The following LRRC32 variants were observed in gnomAD, a reference collection of about 807,000 sequenced individuals.
The protein encoded by LRRC32 is leucine rich repeat containing 32.
A neutral mutation model predicts 15.0 loss-of-function variants in LRRC32; 5 were observed. The ratio of observed to expected loss-of-function variants is 0.33; its 90% CI spans 0.17 to 0.70. The LOEUF (loss-of-function observed/expected upper bound fraction) is 0.70. Ranked by LOEUF, LRRC32 falls within the 30% of genes least tolerant of loss-of-function variation. The probability of loss-of-function intolerance (pLI) is 0.66; values close to 1 mark genes in which losing one functional copy is unlikely to be tolerated. For missense variants in LRRC32, 803 were observed against 854.2 expected (o/e 0.94, Z 0.75); for synonymous variants, 391 against 403.9 (o/e 0.97, Z 0.38).
intron 1 of LRRC32, among the ~76,000 whole-genome samples, chr11:76,668,148 C>CACTAGGAGACACTAGGAG (rs1349833582): frequency 6.6e-6 from 1 of 152,116 alleles, no homozygotes; most frequent in Non-Finnish European, 1.5e-5. Context: ...CACTAGGAGT[C>CACTAGGAGACACTAGGAG]TCGGTGACAT....
chr11:76,661,355 G>C lies in LRRC32; in HGVS notation c.238C>G (p.Leu80Val). The change falls in exon 3 of 3, where the codon CTG becomes GTG. Residue 80 changes from leucine (L) to valine (V), a missense_variant. By Grantham distance (32) the Leu-to-Val change is conservative. Coordinates refer to ENST00000260061, the MANE Select transcript of LRRC32 (RefSeq NM_001128922.2). ...GFYTALRHLD[L>V]STNEISFLQP... is the part of the protein sequence containing the mutation. ...AGGAAGCTGATCTCATTGGTGCTCA[G>C]GTCCAGGTGACGAAGTGCTGTGTAG... The C allele has an allele frequency of 6.2e-7, 1 of 1,614,196 alleles. No individual in the cohort carries two copies. Among genetic ancestry groups the C allele is most frequent in the South Asian group, 1.1e-5 (1 of 91,086 alleles).
chr11:76,658,396 AAGG>A lies in LRRC32; in HGVS notation c.*1205_*1207del, dbSNP rs1952449800. 2 of 152,920 alleles carry A rather than the reference AAGG, an allele frequency of 1.3e-5. No individual in the cohort carries two copies. The highest frequency in any genetic ancestry group is 4.8e-5 in the African/African-American group (2 of 41,470). The allele number at this position is 152,920 out of a possible 1,614,324, so 9.5% of individuals were successfully genotyped here. On this transcript the variant is annotated 3_prime_UTR_variant, in exon 3 of 3. Coordinates refer to ENST00000260061, the MANE Select transcript of LRRC32 (RefSeq NM_001128922.2). ...GAAGGGAGGAGGGAAACAGGCAGAGAAGGAGGAGAGCGCCTGCAGCTGCCTGCC... is the reference window on the plus strand; with the variant it reads ...GAAGGGAGGAGGGAAACAGGCAGAGAAGGAGAGCGCCTGCAGCTGCCTGCC...
chr11:76,659,982 T>A lies in LRRC32; in HGVS notation c.1611A>T (p.Ser537=). The change falls in exon 3 of 3, where the codon TCA becomes TCT. Residue 537 remains serine, a synonymous_variant. Transcript: ENST00000260061. ...SHLPAWTQAV[S]LEVLDLRNNS... ...TGTTTCGCAGGTCCAGCACCTCCAG[T>A]GACACAGCCTGTGTCCAGGCGGGAA... The A allele has an allele frequency of 6.2e-7, 1 of 1,614,086 alleles. No individual in the cohort carries two copies. The highest frequency in any genetic ancestry group is 1.1e-5 in the South Asian group (1 of 91,082).
intron 1 of LRRC32, among the ~76,000 whole-genome samples, chr11:76,666,202 C>T (rs183975913): frequency 8.3e-4 from 127 of 152,310 alleles, no homozygotes; most frequent in Non-Finnish European, 1.3e-3. Flanking sequence ...GAGTTTTAAG[C>T]GGCAGGTGAC....
chr11:76,666,002 G>A (rs762261991), intron 1 of LRRC32, 44 bp from the exon 2 acceptor site: 2 of 1,571,998 alleles, frequency 1.3e-6, no homozygotes. Flanking sequence ...AAGCCCACTG[G>A]CTCCTTCCCA....
rs1310136874 is a variant in LRRC32 at position 76,660,656 on chromosome 11, G to A, written c.937C>T (p.Pro313Ser). 5 of 1,613,990 alleles carry A rather than the reference G, an allele frequency of 3.1e-6. No homozygotes were observed. The South Asian group carries it at 4.4e-5, about 14-fold the overall frequency. ...TCCAGATTCAAGAGCTGGGAAAGGG[G>A]GCGGCCGCTGGCATTCCCGCTGGGG... ...SAPSGNASGRPLSQLLNLDLS... is the reference protein window; with the variant it reads ...SAPSGNASGRSLSQLLNLDLS... The change falls in exon 3 of 3, where the codon CCC (proline) becomes TCC (serine). Residue 313 changes from proline (P) to serine (S), a missense_variant. By Grantham distance (74) the Pro-to-Ser change is moderately conservative (BLOSUM62 -1). Coordinates refer to ENST00000260061, the MANE Select transcript of LRRC32 (RefSeq NM_001128922.2).
Position 76,660,677 on chromosome 11 carries a change from TG to T in LRRC32, c.915del (p.Ser306AlafsTer13). ...EGWSALPLSA[P>X]SGNASGRPLS... ...AGGGGGCGGCCGCTGGCATTCCCGCTGGGGGCTGAGAGGGGCAGGGCTGACC... is the reference window on the plus strand; with the variant it reads ...AGGGGGCGGCCGCTGGCATTCCCGCTGGGGCTGAGAGGGGCAGGGCTGACC... On this transcript the variant is annotated frameshift_variant, in exon 3 of 3. Coordinates refer to ENST00000260061, the MANE Select transcript of LRRC32 (RefSeq NM_001128922.2). LOFTEE classifies it low-confidence loss of function (END_TRUNC). The T allele has an allele frequency of 6.2e-7, 1 of 1,614,004 alleles. No individual in the cohort carries two copies. Among genetic ancestry groups the T allele is most frequent in the Non-Finnish European group, 8.5e-7 (1 of 1,179,990 alleles).
intron 2 of LRRC32, among the ~76,000 whole-genome samples, chr11:76,664,937 G>T (rs897525806): frequency 6.6e-6 from 1 of 152,250 alleles, no homozygotes; most frequent in Non-Finnish European, 1.5e-5. Context: ...CGGGCAGGCA[G>T]CTGCCTGCAC....
At position 76,664,071 on chromosome 11, in the gene LRRC32, C is replaced by T. The variant is rs1010219943; in HGVS notation, c.84+1800G>A. Among the ~76,000 whole-genome samples the T allele has an allele frequency of 3.3e-5, 5 of 152,292 alleles. No homozygotes were observed. In the East Asian group the frequency reaches 7.7e-4, roughly 24 times the overall value. The stretch of plus-strand genomic sequence containing the variant: ...CTGACTGTTACAGTGTGGGGGGCAC[C>T]GTGCTGTGCCCCGCGTGTTACCCCC... On this transcript the variant is annotated intron_variant, in intron 2 of 2. Coordinates refer to ENST00000260061, the MANE Select transcript of LRRC32 (RefSeq NM_001128922.2).
rs780690684 is a variant in LRRC32, at chr11:76,660,511, G to T, written c.1082C>A (p.Ser361Tyr). The change falls in exon 3 of 3, where the codon TCC becomes TAC. Residue 361 changes from serine (S) to tyrosine (Y), a missense_variant. Coordinates refer to ENST00000260061, the MANE Select transcript of LRRC32 (RefSeq NM_001128922.2). ...GTCAAGGAGCATCAGGCAGGGCAGGGAGCCTAAGCGCCGGGCCTCAAAGGT... is the reference window on the plus strand; with the variant it reads ...GTCAAGGAGCATCAGGCAGGGCAGGTAGCCTAAGCGCCGGGCCTCAAAGGT... ...LRTFEARRLG[S>Y]LPCLMLLDLS... is the part of the protein sequence containing the mutation. 6.2e-7 allele frequency: 1 copy of T among 1,614,156 alleles called. No individual in the cohort carries two copies. The highest frequency in any genetic ancestry group is 1.3e-5 in the African/African-American group (1 of 75,066).
Position 76,659,400 on chromosome 11 carries a change from C to T in LRRC32, c.*204G>A, listed in dbSNP as rs1256110203. 5 of 584,984 alleles carry T rather than the reference C, an allele frequency of 8.5e-6. No homozygotes were observed. The highest frequency in any genetic ancestry group is 1.9e-5 in the African/African-American group (1 of 53,708). 36.2% of individuals were successfully genotyped at this position (584,984 alleles called of 1,614,324 possible). ...CTCGGCTGTCCCTGAAACCGCCCAACTTCTGGCTTCCACAGCTGGACCCAA... is the reference window on the plus strand; with the variant it reads ...CTCGGCTGTCCCTGAAACCGCCCAATTTCTGGCTTCCACAGCTGGACCCAA... On this transcript the variant is annotated 3_prime_UTR_variant, in exon 3 of 3. Coordinates refer to ENST00000260061, the MANE Select transcript of LRRC32 (RefSeq NM_001128922.2).
intron 1 of LRRC32, among the ~76,000 whole-genome samples, chr11:76,669,077 C>T (rs1308893300): frequency 6.6e-6 from 1 of 152,204 alleles, no homozygotes; most frequent in Non-Finnish European, 1.5e-5. Flanking sequence ...TCTTGGTGCC[C>T]CAGTGTCCTG....
At chr11:76,662,167 C>T (rs1952547208) in intron 2 of LRRC32, among the ~76,000 whole-genome samples, 1 of 151,940 alleles carries the variant, frequency 6.6e-6, no homozygotes, top group Admixed American at 6.5e-5. Context: ...GTTGCTGTTA[C>T]CTCCTAGGAG....
intron 2 of LRRC32, 151 bp from the exon 3 acceptor site, chr11:76,661,659 C>G (rs1332391316): frequency 2.2e-5 from 29 of 1,341,504 alleles, no homozygotes; most frequent in Non-Finnish European, 2.9e-5. Flanking sequence ...GCAGCCTGAT[C>G]ACCCCATGCC....
chr11:76,666,568 C>T lies in LRRC32; in HGVS notation c.-4-610G>A, dbSNP rs560638758. On this transcript the variant is annotated intron_variant, in intron 1 of 2. Coordinates refer to ENST00000260061, the MANE Select transcript of LRRC32 (RefSeq NM_001128922.2). ...AGTCCCACAGGAGGCCTGGCTGCCCCGGCACTGCTCTGCGGACTTCCCCAG... is the reference window on the plus strand; with the variant it reads ...AGTCCCACAGGAGGCCTGGCTGCCCTGGCACTGCTCTGCGGACTTCCCCAG... 1.6e-4 allele frequency among the ~76,000 whole-genome samples: 24 copies of T among 152,362 alleles called. No homozygotes were observed. In the South Asian group the frequency reaches 2.3e-3, roughly 14 times the overall value.
intron 2 of LRRC32, among the ~76,000 whole-genome samples, chr11:76,664,786 T>C (rs547464452): frequency 3.4e-4 from 52 of 152,380 alleles, no homozygotes; most frequent in African/African-American, 1.2e-3. Context: ...CTCGTCTCCC[T>C]GAGGTAGAAT....
At position 76,660,379 on chromosome 11, in the gene LRRC32, G is replaced by A. The variant is rs777473912; in HGVS notation, c.1214C>T (p.Thr405Ile). 3.1e-6 allele frequency: 5 copies of A among 1,613,678 alleles called. No homozygotes were observed. The highest frequency in any genetic ancestry group is 4.2e-6 in the Non-Finnish European group (5 of 1,179,900). ...CTGCAGGCTGGCCAGATTGGCAAAG[G>A]TGTATGGGGGCAGGTCCCGCAGGGC... ...GNALRDLPPY[T>I]FANLASLQRL... Residue 405 changes from threonine to isoleucine, a missense_variant, in exon 3 of 3, where the codon ACC becomes ATC. By Grantham distance (89) the Thr-to-Ile change is moderately conservative (BLOSUM62 -1). Coordinates refer to ENST00000260061, the MANE Select transcript of LRRC32 (RefSeq NM_001128922.2).
At chr11:76,669,591 G>A (rs1432911729) in intron 1 of LRRC32, among the ~76,000 whole-genome samples, 1 of 152,122 alleles carries the variant, frequency 6.6e-6, no homozygotes, top group Admixed American at 6.5e-5. Flanking sequence ...GGAAAGTGAA[G>A]TGACTTACCC....
In LRRC32 at chr11:76,658,115, T is replaced by G. The variant is rs956844440; in HGVS notation, c.*1489A>C. Reference sequence around the variant, plus strand: ...TTGGAGCCAGCATTATCTTGTGATGTGATAGCTGAGAGAGGACATCACTCT... The same window carrying G: ...TTGGAGCCAGCATTATCTTGTGATGGGATAGCTGAGAGAGGACATCACTCT... On this transcript the variant is annotated 3_prime_UTR_variant, in exon 3 of 3. Transcript: ENST00000260061. 1.3e-5 allele frequency: 2 copies of G among 152,346 alleles called. No individual in the cohort carries two copies. Among genetic ancestry groups the G allele is most frequent in the Non-Finnish European group, 2.9e-5 (2 of 68,062 alleles). 9.4% of individuals were successfully genotyped at this position (152,346 alleles called of 1,614,324 possible). A position where few individuals can be genotyped will look rare whatever the true frequency, so the allele number is the denominator to read the frequency against.
Sources: allele counts gnomAD v4.1 joint callset (sites outside exome capture counted in the v4.1 genomes callset), GRCh38; gene constraint gnomAD v4.1.1; transcripts MANE v1.5; gene names NCBI Gene and HGNC (gene_info 2026-07-23, HGNC 2026-07-21).